GLRA1: variants seen among roughly 807,000 people sequenced by gnomAD.
GLRA1 encodes the protein glycine receptor subunit alpha-1.
In GLRA1, 37 loss-of-function variants were observed where a neutral mutation model predicts 48.3. That is an observed-to-expected ratio of 0.77 (90% CI 0.59 to 1.01). The LOEUF (loss-of-function observed/expected upper bound fraction) is 1.01, where lower values mean the gene tolerates loss of function less well. GLRA1 is among the 50% of genes least tolerant of loss of function. GLRA1 has a pLI of 0.00. For synonymous variants in GLRA1, 196 were observed against 210.7 expected (o/e 0.93, Z 0.60); for missense variants, 427 against 571.0 (o/e 0.75, Z 2.57).
intron 7 of GLRA1, among the ~76,000 whole-genome samples, chr5:151,829,411 A>C (rs1014357474): frequency 4.6e-5 from 7 of 152,234 alleles, no homozygotes; most frequent in African/African-American, 1.7e-4. Context: ...GGAGGATGTC[A>C]GCAAAAATGG....
chr5:151,868,223 G>T (rs1352579573), intron 3 of GLRA1, among the ~76,000 whole-genome samples: 1 of 152,166 alleles, frequency 6.6e-6, no homozygotes, highest in Non-Finnish European at 1.5e-5. Flanking sequence ...TGACTAAGGT[G>T]GAACCTGCAT....
intron 8 of GLRA1, among the ~76,000 whole-genome samples, chr5:151,824,653 C>T (rs1763226690): frequency 6.6e-6 from 1 of 152,288 alleles, no homozygotes; most frequent in East Asian, 1.9e-4. Flanking sequence ...TCACCTAATT[C>T]TTCCTTAGAA....
intron 1 of GLRA1, among the ~76,000 whole-genome samples, chr5:151,915,217 T>G (rs924295534): frequency 6.6e-6 from 1 of 152,166 alleles, no homozygotes; most frequent in African/African-American, 2.4e-5. Context: ...AAACACTCAA[T>G]AAATGCTAAT....
chr5:151,921,704 T>TA (rs1469577186), intron 1 of GLRA1, among the ~76,000 whole-genome samples: 1 of 152,144 alleles, frequency 6.6e-6, no homozygotes, highest in African/African-American at 2.4e-5. Context: ...CTTCTACCAT[T>TA]AAAAAAATTT....
Position 151,856,266 on chromosome 5 carries a change from T to A in GLRA1, c.559+35A>T, listed in dbSNP as rs201952328. 2.8e-6 allele frequency: 4 copies of A among 1,430,184 alleles called. No individual in the cohort carries two copies. In the Admixed American group the frequency reaches 6.7e-5, roughly 24 times the overall value. The allele number at this position is 1,430,184 out of a possible 1,614,324, so 88.6% of individuals were successfully genotyped here. ...CCTATCCCATGGGTAAAAAGGAGCC[T>A]GGTTCTTTCTAGAGGACTCATGCAA... On this transcript the variant is annotated intron_variant, in intron 5 of 8. Coordinates refer to ENST00000274576, the MANE Select transcript of GLRA1 (RefSeq NM_000171.4).
At chr5:151,917,537 C>T (rs550470385) in intron 1 of GLRA1, among the ~76,000 whole-genome samples, 3 of 152,276 alleles carry the variant, frequency 2.0e-5, no homozygotes, top group East Asian at 1.9e-4. Flanking sequence ...GAAACCATCA[C>T]CATAATCTAT....
At chr5:151,871,231 A>G (rs1423029629) in intron 3 of GLRA1, among the ~76,000 whole-genome samples, 1 of 149,446 alleles carries the variant, frequency 6.7e-6, no homozygotes. Flanking sequence ...ATAACGCTGA[A>G]TAGACTTTCT....
intron 8 of GLRA1, among the ~76,000 whole-genome samples, chr5:151,823,352 G>T (rs1036744707): frequency 2.6e-5 from 4 of 152,098 alleles, no homozygotes; most frequent in Non-Finnish European, 4.4e-5. Flanking sequence ...AGTTTCTTTT[G>T]ACCATCAGAG....
chr5:151,878,843 C>T (rs1401294571), intron 3 of GLRA1, among the ~76,000 whole-genome samples: 1 of 152,244 alleles, frequency 6.6e-6, no homozygotes, highest in Non-Finnish European at 1.5e-5. Flanking sequence ...AAGCAAAAGT[C>T]TGCTGCAGGG....
In GLRA1 at chr5:151,907,297, C is replaced by T. The variant is rs753082055; in HGVS notation, c.57-14859G>A. 3.9e-5 allele frequency among the ~76,000 whole-genome samples: 6 copies of T among 152,212 alleles called. No individual in the cohort carries two copies. In the South Asian group the frequency reaches 1.0e-3, roughly 26 times the overall value. On this transcript the variant is annotated intron_variant, in intron 1 of 8. Coordinates refer to ENST00000274576, the MANE Select transcript of GLRA1 (RefSeq NM_000171.4). ...ATAATCTTTCTATTTGTATCTGTGG[C>T]TCTCATTTATTTGGCGACACTGTCT...
intron 7 of GLRA1, among the ~76,000 whole-genome samples, chr5:151,834,762 T>A (rs1763523197): frequency 6.6e-6 from 1 of 151,304 alleles, no homozygotes; most frequent in Non-Finnish European, 1.5e-5. Context: ...GCGTGGTGGC[T>A]CATGCCTGTA....
intron 3 of GLRA1, among the ~76,000 whole-genome samples, chr5:151,884,845 T>G (rs544456552): frequency 6.6e-6 from 1 of 152,294 alleles, no homozygotes; most frequent in South Asian, 2.1e-4. Context: ...CAGATTATGA[T>G]TAATACAAAT....
chr5:151,875,238 A>G (rs1263424536), intron 3 of GLRA1, among the ~76,000 whole-genome samples: 2 of 151,690 alleles, frequency 1.3e-5, no homozygotes, highest in Admixed American at 6.6e-5. Flanking sequence ...TGGCACAATA[A>G]TAGCTCACTG....
rs970075905 is a variant in GLRA1 at position 151,829,002 on chromosome 5, T to C, written c.978A>G (p.Leu326=). 1.2e-6 allele frequency: 2 copies of C among 1,614,072 alleles called. No individual in the cohort carries two copies. Reference sequence around the variant, plus strand: ...CAAAGTTAACGGCAGCATATTCTAATAGGGCTGAGAACACAAAGAGCAGGC... The same window carrying C: ...CAAAGTTAACGGCAGCATATTCTAACAGGGCTGAGAACACAAAGAGCAGGC... ...AVCLLFVFSA[L]LEYAAVNFVS... Residue 326 remains leucine (L), a synonymous_variant, in exon 8 of 9, where the codon CTA becomes CTG. Transcript: ENST00000274576.
At position 151,823,050 on chromosome 5, in the gene GLRA1, C is replaced by G. The variant is rs983637284; in HGVS notation, c.1060-87G>C. Reference sequence around the variant, plus strand: ...CAAGGCACTCCCTTGGGGGCCAGGCCATGCCTATCTGGTTCTCCCTGCTTT... The same window carrying G: ...CAAGGCACTCCCTTGGGGGCCAGGCGATGCCTATCTGGTTCTCCCTGCTTT... On this transcript the variant is annotated intron_variant, in intron 8 of 8. Coordinates refer to ENST00000274576, the MANE Select transcript of GLRA1 (RefSeq NM_000171.4). 3.2e-5 allele frequency: 38 copies of G among 1,201,962 alleles called. No individual in the cohort carries two copies. The Middle Eastern group carries it at 1.1e-3, about 35-fold the overall frequency. 74.5% of individuals were successfully genotyped at this position (1,201,962 alleles called of 1,614,324 possible).
At chr5:151,831,412 G>A (rs1048240511) in intron 7 of GLRA1, among the ~76,000 whole-genome samples, 2 of 152,204 alleles carry the variant, frequency 1.3e-5, no homozygotes, top group Admixed American at 6.5e-5. Flanking sequence ...TGAAATTCTC[G>A]CTGCCAGCAC....
chr5:151,900,052 A>ATAC (rs1754325509), intron 1 of GLRA1, among the ~76,000 whole-genome samples: 1 of 152,090 alleles, frequency 6.6e-6, no homozygotes, highest in Admixed American at 6.5e-5. Context: ...GGGATCCCAT[A>ATAC]TACTCTGTAG....
intron 7 of GLRA1, among the ~76,000 whole-genome samples, chr5:151,836,169 G>T (rs991529940): frequency 6.6e-6 from 1 of 151,190 alleles, no homozygotes; most frequent in Non-Finnish European, 1.5e-5. Flanking sequence ...ACCAATAATA[G>T]ACAGAGACCC....
chr5:151,882,931 T>C (rs1222371137), intron 3 of GLRA1, among the ~76,000 whole-genome samples: 1 of 152,188 alleles, frequency 6.6e-6, no homozygotes, highest in Non-Finnish European at 1.5e-5. Flanking sequence ...TGTTTTGTTA[T>C]AATGTTGATG....
Sources: gnomAD v4.1 joint callset for allele counts (sites outside exome capture counted in the v4.1 genomes callset) on GRCh38, gnomAD v4.1.1 for gene constraint, MANE v1.5 for transcripts, NCBI Gene and HGNC (gene_info 2026-07-23, HGNC 2026-07-21) for gene names.